The following ZC4H2 variants were observed in gnomAD, a reference collection of about 807,000 sequenced individuals.
ZC4H2 encodes zinc finger C4H2-type containing.
For synonymous variants in ZC4H2, 84 were observed against 66.3 expected (o/e 1.27, Z -1.30); for missense variants, 137 against 173.9 (o/e 0.79, Z 1.19).
At chrX:64,923,714 G>T (rs1929308153) in intron 1 of ZC4H2, among the ~76,000 whole-genome samples, 1 of 107,927 alleles carries the variant, frequency 9.3e-6, no homozygotes, top group African/African-American at 3.4e-5. Flanking sequence ...TTAGAAATGG[G>T]TTAAAAGGTG....
At chrX:64,961,218 A>G (rs942091857) in intron 1 of ZC4H2, among the ~76,000 whole-genome samples, 2 of 111,466 alleles carry the variant, frequency 1.8e-5, no homozygotes, top group Non-Finnish European at 3.8e-5. Context: ...TTGTTTTTAA[A>G]TGACGGTTAT....
At chrX:65,009,185 T>C (rs1932717851) in intron 1 of ZC4H2, among the ~76,000 whole-genome samples, 1 of 111,691 alleles carries the variant, frequency 9.0e-6, no homozygotes, top group African/African-American at 3.3e-5. Context: ...GAAGACAAGG[T>C]CCTTTTTGTG....
chrX:64,926,070 C>T (rs1484594453), intron 1 of ZC4H2, among the ~76,000 whole-genome samples: 2 of 111,806 alleles, frequency 1.8e-5, no homozygotes, highest in Admixed American at 1.9e-4. Flanking sequence ...GTCAGTTTCT[C>T]TGAGGGAAGC....
intron 1 of ZC4H2, among the ~76,000 whole-genome samples, chrX:64,946,279 C>A (rs1930526973): frequency 9.0e-6 from 1 of 111,671 alleles, no homozygotes; most frequent in Admixed American, 9.5e-5. Flanking sequence ...CTGCAGGTTG[C>A]AAAAACCATA....
At chrX:64,993,322 G>A (rs1364386935) in intron 1 of ZC4H2, among the ~76,000 whole-genome samples, 1 of 111,633 alleles carries the variant, frequency 9.0e-6, no homozygotes, top group African/African-American at 3.3e-5. Flanking sequence ...CCATTCGTGT[G>A]TTGTCTGATT....
At chrX:64,928,406 C>T (rs761179621) in intron 1 of ZC4H2, among the ~76,000 whole-genome samples, 1 of 111,811 alleles carries the variant, frequency 8.9e-6, no homozygotes, top group African/African-American at 3.2e-5. Context: ...TTGTTTTTGT[C>T]AGGTTTGTCA....
chrX:64,978,736 G>GAA (rs762878006), upstream of ZC4H2, among the ~76,000 whole-genome samples: 4 of 106,919 alleles, frequency 3.7e-5, no homozygotes, highest in Non-Finnish European at 7.8e-5. Flanking sequence ...AGTGTGTCTG[G>GAA]AAAAAAAAAA....
intron 1 of ZC4H2, 189 bp from the exon 2 acceptor site, chrX:64,922,177 G>A (rs1469566612): frequency 5.0e-6 from 5 of 1,003,998 alleles, no homozygotes; most frequent in Non-Finnish European, 6.4e-6. Flanking sequence ...TTGGAAGACA[G>A]AGGCAGGAGG....
intron 1 of ZC4H2, among the ~76,000 whole-genome samples, chrX:64,925,486 G>A (rs1398220974): frequency 1.8e-5 from 2 of 111,875 alleles, no homozygotes; most frequent in Non-Finnish European, 3.8e-5. Flanking sequence ...GCTGACCCAA[G>A]CCTTCCCAAT....
intron 1 of ZC4H2, among the ~76,000 whole-genome samples, chrX:64,963,244 CAT>C (rs1931466865): frequency 9.0e-6 from 1 of 111,696 alleles, no homozygotes; most frequent in African/African-American, 3.2e-5. Flanking sequence ...AAACGTATAA[CAT>C]TGGACCCTTA....
At chrX:65,015,875 C>G (rs2147288605) in intron 1 of ZC4H2, among the ~76,000 whole-genome samples, 1 of 110,922 alleles carries the variant, frequency 9.0e-6, no homozygotes, top group Non-Finnish European at 1.9e-5. Context: ...TTCTCTTAGT[C>G]TTCTCCCTCC....
At chrX:64,987,242 A>T (rs925996132) in intron 1 of ZC4H2, among the ~76,000 whole-genome samples, 1 of 111,299 alleles carries the variant, frequency 9.0e-6, no homozygotes, top group African/African-American at 3.3e-5. Context: ...CAGACAAGAT[A>T]GTTCTAAAAT....
intron 1 of ZC4H2, among the ~76,000 whole-genome samples, chrX:64,993,580 A>G (rs1226185635): frequency 9.0e-6 from 1 of 111,566 alleles, no homozygotes; most frequent in Non-Finnish European, 1.9e-5. Context: ...TAGACATGGA[A>G]TCTGCTAGTG....
At chrX:64,926,482 G>A (rs1462602395) in intron 1 of ZC4H2, among the ~76,000 whole-genome samples, 1 of 111,887 alleles carries the variant, frequency 8.9e-6, no homozygotes, top group African/African-American at 3.2e-5. Context: ...CTGTTCCAGA[G>A]TGTATCATTT....
intron 1 of ZC4H2, among the ~76,000 whole-genome samples, chrX:65,024,992 C>T (rs1932865730): frequency 9.0e-6 from 1 of 110,653 alleles, no homozygotes. Context: ...TACACATGTA[C>T]TCCCCGTATT....
chrX:65,006,301 A>G (rs983553520), intron 1 of ZC4H2, among the ~76,000 whole-genome samples: 3 of 111,936 alleles, frequency 2.7e-5, no homozygotes, highest in African/African-American at 9.8e-5. Context: ...ATAGACTTGG[A>G]ACCAACCCAA....
intron 1 of ZC4H2, among the ~76,000 whole-genome samples, chrX:64,966,449 AT>A (rs1257606496): frequency 1.8e-5 from 2 of 112,559 alleles, no homozygotes; most frequent in Non-Finnish European, 3.8e-5. Context: ...ACTCCTGAGA[AT>A]CTAAGCAGTA....
intron 1 of ZC4H2, among the ~76,000 whole-genome samples, chrX:64,994,990 C>T (rs1932383821): frequency 9.1e-6 from 1 of 110,196 alleles, no homozygotes; most frequent in African/African-American, 3.3e-5. Context: ...CTAGTGGTAG[C>T]CATAATTCTA....
intron 1 of ZC4H2, among the ~76,000 whole-genome samples, chrX:64,986,749 A>G (rs1932193308): frequency 1.8e-5 from 2 of 110,637 alleles, no homozygotes; most frequent in Admixed American, 1.9e-4. Context: ...GCCAGTCTTC[A>G]TTTTAGAGGA....
Sources: gnomAD v4.1 joint callset for allele counts (sites outside exome capture counted in the v4.1 genomes callset) on GRCh38, gnomAD v4.1.1 for gene constraint, MANE v1.5 for transcripts, NCBI Gene and HGNC (gene_info 2026-07-23, HGNC 2026-07-21) for gene names.